BRWD1: variants seen among roughly 807,000 people sequenced by gnomAD.
BRWD1 encodes the protein bromodomain and WD repeat domain containing 1, also known as bromodomain and WD repeat-containing protein 1.
A neutral mutation model predicts 251.2 loss-of-function variants in BRWD1; 82 were observed. That is an observed-to-expected ratio of 0.33 (90% CI 0.27 to 0.39). BRWD1 has a LOEUF of 0.39. BRWD1 is among the 10% of genes least tolerant of loss of function. The pLI, the probability that BRWD1 is intolerant of heterozygous loss-of-function variation, is 1.00. For synonymous variants in BRWD1, 918 were observed against 902.8 expected, an observed-to-expected ratio of 1.02 and a Z score of -0.30; for missense variants, 2,233 against 2,711.6, an observed-to-expected ratio of 0.82 and a Z score of 3.92.
chr21:39,263,880 C>CA (rs2034834642), intron 17 of BRWD1, among the ~76,000 whole-genome samples: 2 of 152,178 alleles, frequency 1.3e-5, no homozygotes, highest in Non-Finnish European at 2.9e-5. Flanking sequence ...AGCATCCTGA[C>CA]AGTATGCTCT....
chr21:39,305,840 G>A (rs1355735467), intron 4 of BRWD1, among the ~76,000 whole-genome samples: 2 of 147,794 alleles, frequency 1.4e-5, no homozygotes, highest in African/African-American at 2.5e-5. Flanking sequence ...CTCCAGCCTG[G>A]CGACGGTGCA....
chr21:39,199,444 C>T lies in BRWD1; in HGVS notation c.4972G>A (p.Gly1658Ser). 1 of 1,614,176 alleles carries T rather than the reference C, an allele frequency of 6.2e-7. No individual in the cohort carries two copies. Among genetic ancestry groups the T allele is most frequent in the Non-Finnish European group, 8.5e-7 (1 of 1,180,030 alleles). The change falls in exon 40 of 41, where the codon GGT (glycine) becomes AGT (serine). Residue 1658 changes from glycine (G) to serine (S), a missense_variant. By Grantham distance (56) the Gly-to-Ser change is moderately conservative (BLOSUM62 0). Around this residue, in one of 12 missense-constraint regions of BRWD1, gnomAD observed 928 missense variants for 970.0 expected, o/e 0.96. Coordinates refer to ENST00000342449, the MANE Select transcript of BRWD1 (RefSeq NM_033656.4). ...ENSSSESVCSGRKLPHRNASA... is the reference protein window; with the variant it reads ...ENSSSESVCSSRKLPHRNASA... ...GCATTGCGGTGAGGCAGCTTCCGACCAGAACAGACACTTTCAGAGCTAGAA... is the reference window on the plus strand; with the variant it reads ...GCATTGCGGTGAGGCAGCTTCCGACTAGAACAGACACTTTCAGAGCTAGAA...
chr21:39,295,039 G>A (rs2035917381), intron 7 of BRWD1, among the ~76,000 whole-genome samples: 1 of 152,042 alleles, frequency 6.6e-6, no homozygotes, highest in Admixed American at 6.6e-5. Context: ...TGATTAATGT[G>A]AACATGAATC....
upstream of BRWD1, chr21:39,314,897 GATA>G (rs2036667579): frequency 6.5e-6 from 1 of 153,754 alleles, no homozygotes; most frequent in African/African-American, 2.4e-5. Flanking sequence ...CTAGTAAACA[GATA>G]ATATTTGTGC....
At chr21:39,279,970 T>G (rs1412781749) in intron 9 of BRWD1, among the ~76,000 whole-genome samples, 178 bp downstream of exon 9, 1 of 152,150 alleles carries the variant, frequency 6.6e-6, no homozygotes, top group Non-Finnish European at 1.5e-5. Flanking sequence ...GCTATCTACA[T>G]AATTATAAAT....
At chr21:39,228,349 G>A (rs746346374) in intron 27 of BRWD1, 151 bp downstream of exon 27, 17 of 582,580 alleles carry the variant, frequency 2.9e-5, no homozygotes, top group African/African-American at 3.7e-5. Context: ...GTACCAAGCC[G>A]TAAGCAAAAT....
At chr21:39,319,064 T>C (rs2036724664) in intron 1 of BRWD1, among the ~76,000 whole-genome samples, 1 of 152,166 alleles carries the variant, frequency 6.6e-6, no homozygotes, top group South Asian at 2.1e-4. Context: ...CTTTGATCGA[T>C]TTTTGGAGGA....
intron 37 of BRWD1, among the ~76,000 whole-genome samples, chr21:39,204,239 T>G (rs1169543187): frequency 4.0e-5 from 6 of 150,332 alleles, no homozygotes; most frequent in Non-Finnish European, 7.4e-5. Context: ...AGTTCCTATA[T>G]GTACTGTAAT....
At chr21:39,229,678 A>G (rs148078487) in intron 25 of BRWD1, among the ~76,000 whole-genome samples, 150 of 152,304 alleles carry the variant, frequency 9.8e-4, no homozygotes, top group African/African-American at 3.3e-3. Context: ...TGAAAACACA[A>G]ATCTCGGATT....
chr21:39,259,872 G>T (rs1382539436), intron 17 of BRWD1, among the ~76,000 whole-genome samples: 1 of 151,872 alleles, frequency 6.6e-6, no homozygotes. Flanking sequence ...AAATAAAGGA[G>T]ATTAATAAGG....
intron 5 of BRWD1, chr21:39,296,629 A>C (rs1487399764): frequency 1.0e-6 from 1 of 981,294 alleles, no homozygotes; most frequent in African/African-American, 1.7e-5. Flanking sequence ...AGCTCATTGA[A>C]TCCTCACAAC....
At chr21:39,256,036 G>A (rs921602586) in intron 18 of BRWD1, among the ~76,000 whole-genome samples, 1 of 152,088 alleles carries the variant, frequency 6.6e-6, no homozygotes, top group Non-Finnish European at 1.5e-5. Context: ...CGGGCTAGTC[G>A]CAAATGCCTG....
intron 32 of BRWD1, among the ~76,000 whole-genome samples, chr21:39,214,228 A>G (rs2032786833): frequency 6.6e-6 from 1 of 152,140 alleles, no homozygotes; most frequent in Admixed American, 6.6e-5. Context: ...GCTCACTAGA[A>G]TAGAGCAGAC....
intron 5 of BRWD1, chr21:39,298,050 G>GA (rs2036005383): frequency 1.0e-6 from 1 of 987,648 alleles, no homozygotes; most frequent in Admixed American, 6.1e-5. Flanking sequence ...AGGGCTTTCA[G>GA]AAGCTAAATA....
chr21:39,307,639 G>A (rs1346547575), intron 4 of BRWD1, among the ~76,000 whole-genome samples: 1 of 152,212 alleles, frequency 6.6e-6, no homozygotes, highest in Non-Finnish European at 1.5e-5. Flanking sequence ...ATCAGGTTAT[G>A]ATAGAAGATT....
At position 39,236,575 on chromosome 21, in the gene BRWD1, T is replaced by TA; in HGVS notation, c.2766+19dup. 1 of 1,547,436 alleles carries TA rather than the reference T, an allele frequency of 6.5e-7. No individual in the cohort carries two copies. Among genetic ancestry groups the TA allele is most frequent in the Non-Finnish European group, 8.8e-7 (1 of 1,138,770 alleles). On this transcript the variant is annotated intron_variant, in intron 23 of 40. Transcript: ENST00000342449. ...GGGGTATCATGATACATGCTATTTTTAAAGATACGTTTTTCTTACCTCCTT... is the reference window on the plus strand; with the variant it reads ...GGGGTATCATGATACATGCTATTTTTAAAAGATACGTTTTTCTTACCTCCTT...
At chr21:39,265,077 T>C (rs1458028501) in intron 15 of BRWD1, 58 bp from the exon 16 acceptor site, 30 of 1,543,910 alleles carry the variant, frequency 1.9e-5, no homozygotes, top group Non-Finnish European at 2.4e-5. Flanking sequence ...ATTTGCTATG[T>C]AAACTTTTTT....
intron 1 of BRWD1, among the ~76,000 whole-genome samples, chr21:39,319,723 C>T (rs879330979): frequency 6.6e-6 from 1 of 152,184 alleles, no homozygotes; most frequent in Non-Finnish European, 1.5e-5. Context: ...GCCCAGCTCT[C>T]AACATGACCC....
Position 39,214,498 on chromosome 21 carries a change from T to C in BRWD1, c.3785+739A>G, listed in dbSNP as rs538703160. On this transcript the variant is annotated intron_variant, in intron 32 of 40. Coordinates refer to ENST00000342449, the MANE Select transcript of BRWD1 (RefSeq NM_033656.4). ...TGAGGTGATAAAGACAAGAAAAAAC[T>C]GAAGGAGACTAAGAAAACAAAACGC... 3.4e-3 allele frequency among the ~76,000 whole-genome samples: 517 copies of C among 152,108 alleles called. 5 individuals are homozygous for C. The highest frequency in any genetic ancestry group is 3.5e-3 in the Non-Finnish European group (236 of 67,974).
Sources: allele counts gnomAD v4.1 joint callset (sites outside exome capture counted in the v4.1 genomes callset), GRCh38; gene constraint gnomAD v4.1.1; regional missense constraint gnomAD v4.1.1; transcripts MANE v1.5; gene names NCBI Gene and HGNC (gene_info 2026-07-23, HGNC 2026-07-21).